Variants in SYT14 observed in about 807,000 individuals in gnomAD.
SYT14 encodes the protein synaptotagmin-14.
A neutral mutation model predicts 74.2 loss-of-function variants in SYT14; 32 were observed. The observed-to-expected ratio is 0.43, with a 90% CI of 0.33 to 0.58. SYT14 has a LOEUF of 0.58. Ranked by LOEUF, SYT14 falls within the 20% of genes least tolerant of loss-of-function variation. The pLI, the probability that SYT14 is intolerant of heterozygous loss-of-function variation, is 0.05. For synonymous variants in SYT14, 298 were observed against 337.7 expected (o/e 0.88, Z 1.29); for missense variants, 791 against 981.8 (o/e 0.81, Z 2.60).
intron 5 of SYT14, among the ~76,000 whole-genome samples, chr1:210,030,783 T>C (rs2080514458): frequency 6.6e-6 from 1 of 152,176 alleles, no homozygotes; most frequent in African/African-American, 2.4e-5. Flanking sequence ...GTGTGGCTGT[T>C]GCACAGGGAG....
chr1:210,051,731 C>T (rs2102380402), intron 5 of SYT14, among the ~76,000 whole-genome samples: 1 of 152,228 alleles, frequency 6.6e-6, no homozygotes, highest in South Asian at 2.1e-4. Flanking sequence ...AAATCTCCTT[C>T]CTTCTTTTTT....
exon 10 of SYT14, chr1:210,168,559 T>A (rs956145048): frequency 1.3e-5 from 2 of 152,276 alleles, no homozygotes; most frequent in East Asian, 1.9e-4. Flanking sequence ...CTGAAAAAAA[T>A]TTTCAAACTT....
chr1:210,088,649 G>A (rs1305363621), intron 5 of SYT14, among the ~76,000 whole-genome samples: 1 of 151,968 alleles, frequency 6.6e-6, no homozygotes, highest in Non-Finnish European at 1.5e-5. Context: ...GGAATACTAT[G>A]CAGCCATAAA....
At chr1:210,058,744 G>C (rs894444211) in intron 5 of SYT14, among the ~76,000 whole-genome samples, 1 of 152,178 alleles carries the variant, frequency 6.6e-6, no homozygotes, top group African/African-American at 2.4e-5. Context: ...AAACAGTAAG[G>C]CAGTCTCAGC....
rs372357337 is a variant in SYT14, at chr1:209,983,605, T to TTG, written c.-485-30014_-485-30013dup. On this transcript the variant is annotated intron_variant, in intron 2 of 9. Transcript: ENST00000637265. The stretch of plus-strand genomic sequence containing the variant: ...TTGACACTTGTTCTCCTGATTTTCT[T>TTG]TGTGTGTGTGTGTGTTTTTTCTGTC... Among the ~76,000 whole-genome samples the TTG allele has an allele frequency of 4.7e-3, 721 of 152,102 alleles. 4 individuals carry two copies. The highest frequency in any genetic ancestry group is 6.1e-3 in the Non-Finnish European group (414 of 67,958).
chr1:209,984,306 C>G (rs1417077665), intron 2 of SYT14, among the ~76,000 whole-genome samples: 1 of 152,190 alleles, frequency 6.6e-6, no homozygotes, highest in Non-Finnish European at 1.5e-5. Context: ...ATACTGTTCT[C>G]TTACTGAGTT....
rs549509673 is a variant in SYT14 at position 209,975,241 on chromosome 1, A to G, written c.-486+22485A>G. On this transcript the variant is annotated intron_variant, in intron 2 of 9. Transcript: ENST00000637265. Reference sequence around the variant, plus strand: ...CCTGATTGCCCTGGCCAGAACTTCCAACACTAATAGGAGTGGTGAGAGAGG... The same window carrying G: ...CCTGATTGCCCTGGCCAGAACTTCCGACACTAATAGGAGTGGTGAGAGAGG... Among the ~76,000 whole-genome samples the G allele has an allele frequency of 1.9e-3, 293 of 152,280 alleles. 1 individual carries two copies. Among genetic ancestry groups the G allele is most frequent in the African/African-American group, 6.6e-3 (275 of 41,550 alleles).
At chr1:210,100,179 T>G (rs764568325) in exon 7 of SYT14, 3 of 1,613,894 alleles carry the variant, frequency 1.9e-6, no homozygotes, top group Non-Finnish European at 2.5e-6. Context: ...ACAGGACAGG[T>G]GGCAACTCAT....
intron 5 of SYT14, among the ~76,000 whole-genome samples, chr1:210,022,169 T>C (rs1021178152): frequency 6.6e-6 from 1 of 152,164 alleles, no homozygotes; most frequent in Non-Finnish European, 1.5e-5. Context: ...TTAGGGCCTA[T>C]TACTATTGAT....
chr1:210,115,876 A>C (rs980673037), intron 7 of SYT14, among the ~76,000 whole-genome samples: 1 of 151,312 alleles, frequency 6.6e-6, no homozygotes, highest in African/African-American at 2.5e-5. Context: ...AGAGACCACC[A>C]GGCTTTGTGT....
At chr1:209,965,227 C>T (rs1405568311) in intron 2 of SYT14, among the ~76,000 whole-genome samples, 1 of 152,150 alleles carries the variant, frequency 6.6e-6, no homozygotes, top group African/African-American at 2.4e-5. Flanking sequence ...ACCCTTTTCC[C>T]CCTCCCTTTC....
At chr1:209,962,339 A>G (rs951593738) in intron 2 of SYT14, among the ~76,000 whole-genome samples, 10 of 151,876 alleles carry the variant, frequency 6.6e-5, no homozygotes, top group South Asian at 2.1e-4. Flanking sequence ...TGAGGGGACC[A>G]ATAGATTTTT....
chr1:210,083,285 C>G (rs1050199459), intron 5 of SYT14, among the ~76,000 whole-genome samples: 3 of 152,148 alleles, frequency 2.0e-5, no homozygotes, highest in Non-Finnish European at 4.4e-5. Context: ...GCCGCCATGC[C>G]CAGCCGAGTA....
At position 209,960,529 on chromosome 1, in the gene SYT14, A is replaced by G. The variant is rs17015463; in HGVS notation, c.-486+7773A>G. 7.8e-3 allele frequency among the ~76,000 whole-genome samples: 1,194 copies of G among 152,304 alleles called. 21 individuals carry two copies. The highest frequency in any genetic ancestry group is 0.027 in the African/African-American group (1,140 of 41,574). On this transcript the variant is annotated intron_variant, in intron 2 of 9. Coordinates refer to ENST00000637265, the Ensembl canonical transcript of SYT14. The stretch of plus-strand genomic sequence containing the variant: ...ACCACTAAAATATAAATATCTGAGC[A>G]TATTTGAGAAATAGTAGCAAAAAAC...
At chr1:210,006,146 G>T (rs1216847401) in intron 2 of SYT14, among the ~76,000 whole-genome samples, 1 of 151,818 alleles carries the variant, frequency 6.6e-6, no homozygotes, top group East Asian at 1.9e-4. Flanking sequence ...TTACTCACCA[G>T]TGAATTGTGT....
intron 8 of SYT14, among the ~76,000 whole-genome samples, chr1:210,158,442 CTAA>C (rs374840214): frequency 1.8e-4 from 28 of 152,244 alleles, no homozygotes; most frequent in Middle Eastern, 3.4e-3. Context: ...CATGCTTTAG[CTAA>C]TAATTTACTA....
intron 5 of SYT14, among the ~76,000 whole-genome samples, chr1:210,049,389 CTTT>C (rs112176538): frequency 7.4e-6 from 1 of 135,984 alleles, no homozygotes. Context: ...AACACCAATT[CTTT>C]TTTTTTTTTT....
At chr1:209,997,587 GTA>G (rs2079821690) in intron 2 of SYT14, among the ~76,000 whole-genome samples, 1 of 152,060 alleles carries the variant, frequency 6.6e-6, no homozygotes, top group Non-Finnish European at 1.5e-5. Flanking sequence ...AACTACCAAT[GTA>G]ATTCTTCACA....
chr1:209,977,117 G>A (rs1430004607), intron 2 of SYT14, among the ~76,000 whole-genome samples: 1 of 152,076 alleles, frequency 6.6e-6, no homozygotes, highest in Non-Finnish European at 1.5e-5. Flanking sequence ...CGTGAGATGG[G>A]TTCCCTGAAT....
Sources: allele counts gnomAD v4.1 joint callset (sites outside exome capture counted in the v4.1 genomes callset), GRCh38; gene constraint gnomAD v4.1.1; transcripts MANE v1.5; gene names NCBI Gene and HGNC (gene_info 2026-07-23, HGNC 2026-07-21).